VLDLR: variants seen among roughly 807,000 people sequenced by gnomAD.
VLDLR encodes the protein very low-density lipoprotein receptor.
VLDLR carries 81 observed loss-of-function variants against 112.7 expected under a neutral mutation model. That is an observed-to-expected ratio of 0.72 (90% CI 0.60 to 0.86). The LOEUF (loss-of-function observed/expected upper bound fraction) is 0.86. Among genes scored for constraint, VLDLR ranks in the 40% least tolerant of loss-of-function variants. VLDLR has a pLI of 0.00. For synonymous variants in VLDLR, 436 were observed against 384.8 expected, an observed-to-expected ratio of 1.13 and a Z score of -1.56; for missense variants, 1,237 against 1,099.4, an observed-to-expected ratio of 1.13 and a Z score of -1.77.
chr9:2,635,550 C>T lies in VLDLR; in HGVS notation c.180C>T (p.Asp60=), dbSNP rs151277117. The T allele has an allele frequency of 4.4e-5, 71 of 1,614,048 alleles. No individual in the cohort carries two copies. Among genetic ancestry groups the T allele is most frequent in the Non-Finnish European group, 5.5e-5 (65 of 1,179,956 alleles). Residue 60 remains aspartate, a synonymous_variant, in exon 2 of 19, where the codon GAC becomes GAT. Coordinates refer to ENST00000382100, the MANE Select transcript of VLDLR (RefSeq NM_003383.5). ...WKCDGDEDCV[D]GSDEKNCVKK... ...GTGATGGGGATGAAGACTGTGTTGA[C>T]GGCAGTGATGAAAAGAACTGTGGTA...
chr9:2,627,876 A>G (rs1006247886), intron 1 of VLDLR, among the ~76,000 whole-genome samples: 3 of 152,000 alleles, frequency 2.0e-5, no homozygotes, highest in Admixed American at 2.0e-4. Context: ...AAAAAAAAAA[A>G]AAAAAATTGC....
intron 1 of VLDLR, among the ~76,000 whole-genome samples, chr9:2,628,778 G>A (rs1052867878): frequency 6.6e-6 from 1 of 152,020 alleles, no homozygotes; most frequent in Non-Finnish European, 1.5e-5. Context: ...AGGGAAGGAT[G>A]GATTTTAGAA....
chr9:2,644,087 C>T, intron 7 of VLDLR, 128 bp downstream of exon 7: 1 of 1,362,710 alleles, frequency 7.3e-7, no homozygotes, highest in South Asian at 1.2e-5. Context: ...TTGTAGACTT[C>T]AGAGTGAAAC....
chr9:2,625,693 T>C (rs940927551), intron 1 of VLDLR, among the ~76,000 whole-genome samples: 3 of 152,196 alleles, frequency 2.0e-5, no homozygotes, highest in African/African-American at 7.2e-5. Flanking sequence ...CTTAGTTTGG[T>C]CCCTACTAAT....
At position 2,653,732 on chromosome 9, in the gene VLDLR, G is replaced by A. The variant is rs570133301; in HGVS notation, c.2587-101G>A. 1.8e-4 allele frequency: 217 copies of A among 1,213,382 alleles called. No homozygotes were observed. In the African/African-American group the frequency reaches 3.0e-3, roughly 17 times the overall value. 75.2% of individuals were successfully genotyped at this position (1,213,382 alleles called of 1,614,324 possible). On this transcript the variant is annotated intron_variant, in intron 18 of 18. Coordinates refer to ENST00000382100, the MANE Select transcript of VLDLR (RefSeq NM_003383.5). ...CTGACTTTTCTTCTAAGCACTCTGA[G>A]TGTTTGAATGACCAACTCAAAAGCA... is the stretch of plus-strand genomic sequence containing the variant.
At position 2,635,528 on chromosome 9, in the gene VLDLR, A is replaced by T; in HGVS notation, c.158A>T (p.Asp53Val). Residue 53 changes from aspartate to valine, a missense_variant, in exon 2 of 19, where the codon GAT becomes GTT. Coordinates refer to ENST00000382100, the MANE Select transcript of VLDLR (RefSeq NM_003383.5). ...GRCITLLWKC[D>V]GDEDCVDGSD... ...TGTATTACGCTGTTGTGGAAATGTG[A>T]TGGGGATGAAGACTGTGTTGACGGC... 5 of 1,614,152 alleles carry T rather than the reference A, an allele frequency of 3.1e-6. No homozygotes were observed. Among genetic ancestry groups the T allele is most frequent in the Non-Finnish European group, 4.2e-6 (5 of 1,179,986 alleles).
rs764656045 is a variant in VLDLR at position 2,644,784 on chromosome 9, G to A, written c.1117G>A (p.Asp373Asn). Reference sequence around the variant, plus strand: ...TGGTGGATGTTCTCATATCTGCAAAGACCTAGTTATAGGCTACGAGTGTGA... The same window carrying A: ...TGGTGGATGTTCTCATATCTGCAAAAACCTAGTTATAGGCTACGAGTGTGA... Reference protein sequence around the residue: ...NNGGCSHICKDLVIGYECDCA... With the variant: ...NNGGCSHICKNLVIGYECDCA... Residue 373 changes from aspartate to asparagine, a missense_variant, in exon 8 of 19, where the codon GAC becomes AAC. Physicochemically the swap from Asp to Asn is conservative, Grantham distance 23. Coordinates refer to ENST00000382100, the MANE Select transcript of VLDLR (RefSeq NM_003383.5). 8 of 1,614,050 alleles carry A rather than the reference G, an allele frequency of 5.0e-6. No individual in the cohort carries two copies. The highest frequency in any genetic ancestry group is 6.8e-6 in the Non-Finnish European group (8 of 1,180,032).
chr9:2,625,302 G>C (rs1203724396), intron 1 of VLDLR, among the ~76,000 whole-genome samples: 1 of 152,198 alleles, frequency 6.6e-6, no homozygotes, highest in Non-Finnish European at 1.5e-5. Context: ...GGAACACATA[G>C]TACCCAGCCG....
At chr9:2,648,143 A>C in intron 12 of VLDLR, 65 bp from the exon 13 acceptor site, 1 of 1,599,214 alleles carries the variant, frequency 6.3e-7, no homozygotes, top group Non-Finnish European at 8.6e-7. Flanking sequence ...AATTCATTAG[A>C]TATTTTTAAT....
chr9:2,645,782 G>C, intron 10 of VLDLR, 37 bp downstream of exon 10: 1 of 1,613,040 alleles, frequency 6.2e-7, no homozygotes, highest in South Asian at 1.1e-5. Context: ...CTTGACATAA[G>C]TCATTGTCAC....
chr9:2,650,794 T>C (rs756175693), intron 15 of VLDLR, among the ~76,000 whole-genome samples: 4 of 152,168 alleles, frequency 2.6e-5, no homozygotes, highest in Non-Finnish European at 5.9e-5. Context: ...TTGCAGGTAA[T>C]TAAATGAGGC....
chr9:2,644,100 T>C (rs1371840164), intron 7 of VLDLR, 141 bp downstream of exon 7: 2 of 1,299,726 alleles, frequency 1.5e-6, no homozygotes, highest in African/African-American at 1.5e-5. Flanking sequence ...AGTGAAACTT[T>C]ATGACTTAAA....
rs1414374527 is a variant in VLDLR at position 2,658,993 on chromosome 9, C to T, written c.*5125C>T. On this transcript the variant is annotated 3_prime_UTR_variant, in exon 19 of 19. Coordinates refer to ENST00000382100, the MANE Select transcript of VLDLR (RefSeq NM_003383.5). Reference sequence around the variant, plus strand: ...AGAAACATAAATGGAATGTTTCTGCCTCAGTTCTTTTGACTACCTCCTAGG... The same window carrying T: ...AGAAACATAAATGGAATGTTTCTGCTTCAGTTCTTTTGACTACCTCCTAGG... 2 of 152,044 alleles carry T rather than the reference C, an allele frequency of 1.3e-5. No individual in the cohort carries two copies. The highest frequency in any genetic ancestry group is 2.9e-5 in the Non-Finnish European group (2 of 68,006). 9.4% of individuals were successfully genotyped at this position (152,044 alleles called of 1,614,324 possible).
intron 18 of VLDLR, 21 bp downstream of exon 18, chr9:2,652,970 T>G (rs772669364): frequency 1.9e-6 from 3 of 1,613,926 alleles, no homozygotes; most frequent in Non-Finnish European, 2.5e-6. Flanking sequence ...TTTGTGTCTT[T>G]ATACACCATG....
chr9:2,624,530 G>C (rs1423008620), intron 1 of VLDLR, among the ~76,000 whole-genome samples: 1 of 152,208 alleles, frequency 6.6e-6, no homozygotes, highest in Admixed American at 6.5e-5. Flanking sequence ...TTCAGCCTAA[G>C]TAGTCAAGAT....
rs1019258754 is a variant in VLDLR, at chr9:2,656,812, G to C, written c.*2944G>C. On this transcript the variant is annotated 3_prime_UTR_variant, in exon 19 of 19. Coordinates refer to ENST00000382100, the MANE Select transcript of VLDLR (RefSeq NM_003383.5). ...CAAGTTCCTCTGTCCAAATTTTTAA[G>C]TGCCCTTTGCAAGCTAATCTATTTG... The C allele has an allele frequency of 6.6e-6, 1 of 152,056 alleles. No homozygotes were observed. Among genetic ancestry groups the C allele is most frequent in the South Asian group, 2.1e-4 (1 of 4,804 alleles). The allele number at this position is 152,056 out of a possible 1,614,324, so 9.4% of individuals were successfully genotyped here. A position where few individuals can be genotyped will look rare whatever the true frequency, so the allele number is the denominator to read the frequency against.
At chr9:2,644,650 G>A in intron 7 of VLDLR, 84 bp from the exon 8 acceptor site, 2 of 1,594,308 alleles carry the variant, frequency 1.3e-6, no homozygotes, top group Non-Finnish European at 1.7e-6. Context: ...AACTAGATAA[G>A]TTATCACAAA....
chr9:2,622,340 A>G, intron 1 of VLDLR, 69 bp downstream of exon 1: 1 of 1,341,934 alleles, frequency 7.5e-7, no homozygotes, highest in Non-Finnish European at 9.6e-7. Context: ...CCCGAGGCGT[A>G]GGTCTCCGTT....
intron 1 of VLDLR, among the ~76,000 whole-genome samples, chr9:2,623,669 G>A (rs544871287): frequency 6.6e-6 from 1 of 152,194 alleles, no homozygotes; most frequent in Non-Finnish European, 1.5e-5. Flanking sequence ...CGTTTAGGTT[G>A]GTCACATGGT....
Sources: allele counts gnomAD v4.1 joint callset (sites outside exome capture counted in the v4.1 genomes callset), GRCh38; gene constraint gnomAD v4.1.1; transcripts MANE v1.5; gene names NCBI Gene and HGNC (gene_info 2026-07-23, HGNC 2026-07-21).